The following RORA variants were observed in gnomAD, a reference collection of about 807,000 sequenced individuals.
RORA encodes the protein nuclear receptor ROR-alpha.
In RORA, 7 loss-of-function variants were observed where a neutral mutation model predicts 69.5. The ratio of observed to expected loss-of-function variants is 0.10; its 90% CI spans 0.06 to 0.19. The LOEUF (loss-of-function observed/expected upper bound fraction) is 0.19. RORA is among the 10% of genes least tolerant of loss of function. The probability of loss-of-function intolerance (pLI) is 1.00; values close to 1 mark genes in which losing one functional copy is unlikely to be tolerated. For synonymous variants in RORA, 261 were observed against 240.8 expected, an observed-to-expected ratio of 1.08 and a Z score of -0.78; for missense variants, 457 against 663.0, an observed-to-expected ratio of 0.69 and a Z score of 3.41.
intron 1 of RORA, among the ~76,000 whole-genome samples, chr15:60,916,949 G>C (rs1168809228): frequency 6.6e-6 from 1 of 152,214 alleles, no homozygotes. Flanking sequence ...ATTTGGGCCA[G>C]TTCTACACTG....
chr15:60,944,155 T>C (rs369946782), intron 1 of RORA, among the ~76,000 whole-genome samples: 63 of 152,130 alleles, frequency 4.1e-4, no homozygotes, highest in African/African-American at 1.4e-3. Context: ...GCACTGAAGA[T>C]GAAAAGCACC....
intron 1 of RORA, among the ~76,000 whole-genome samples, chr15:61,118,565 G>C (rs1247962577): frequency 6.6e-6 from 1 of 152,146 alleles, no homozygotes; most frequent in Non-Finnish European, 1.5e-5. Context: ...TCACAGATCA[G>C]GTCATTTAGG....
At chr15:60,627,493 A>T (rs200326130) in intron 2 of RORA, 149 of 1,546,516 alleles carry the variant, frequency 9.6e-5, no homozygotes, top group Non-Finnish European at 1.1e-4. Flanking sequence ...AATGATGGGG[A>T]GGAGTATGGG....
chr15:61,165,366 C>A (rs1198230330), intron 1 of RORA, among the ~76,000 whole-genome samples: 1 of 152,178 alleles, frequency 6.6e-6, no homozygotes, highest in Non-Finnish European at 1.5e-5. Context: ...ATCCAGCTCC[C>A]CTCTTTATTT....
chr15:61,180,932 C>G (rs2140904014), intron 1 of RORA, among the ~76,000 whole-genome samples: 1 of 152,176 alleles, frequency 6.6e-6, no homozygotes, highest in South Asian at 2.1e-4. Flanking sequence ...GGCGAAACCT[C>G]TTCTCTACTA....
At chr15:61,037,529 G>C (rs756421157) in intron 1 of RORA, among the ~76,000 whole-genome samples, 1 of 152,144 alleles carries the variant, frequency 6.6e-6, no homozygotes, top group African/African-American at 2.4e-5. Flanking sequence ...CAAAGCAACA[G>C]AACCAGCAAG....
At chr15:60,653,904 T>G (rs530326840) in intron 2 of RORA, among the ~76,000 whole-genome samples, 1 of 152,284 alleles carries the variant, frequency 6.6e-6, no homozygotes, top group South Asian at 2.1e-4. Context: ...GGTATCATGT[T>G]TTTCATCTTT....
At chr15:60,782,388 A>G (rs2072276672) in intron 1 of RORA, among the ~76,000 whole-genome samples, 1 of 152,228 alleles carries the variant, frequency 6.6e-6, no homozygotes, top group South Asian at 2.1e-4. Flanking sequence ...ACAACTGGAA[A>G]GATGGAAAGA....
chr15:61,031,494 C>G (rs1343693186), intron 1 of RORA, among the ~76,000 whole-genome samples: 4 of 152,112 alleles, frequency 2.6e-5, no homozygotes, highest in Non-Finnish European at 5.9e-5. Context: ...GATATTGTTG[C>G]TGAAGTTTTG....
chr15:60,536,036 C>T (rs1219556388), intron 2 of RORA, among the ~76,000 whole-genome samples: 1 of 152,138 alleles, frequency 6.6e-6, no homozygotes, highest in Non-Finnish European at 1.5e-5. Flanking sequence ...TAGTTTATAA[C>T]TAAAAATAAC....
intron 2 of RORA, among the ~76,000 whole-genome samples, chr15:60,657,008 G>A (rs1053315609): frequency 2.6e-5 from 4 of 152,176 alleles, no homozygotes; most frequent in South Asian, 4.1e-4. Context: ...TGAAGAGTGG[G>A]ATTTGTGAGA....
chr15:60,806,450 C>T (rs1263387540), intron 1 of RORA, among the ~76,000 whole-genome samples: 1 of 152,234 alleles, frequency 6.6e-6, no homozygotes, highest in Non-Finnish European at 1.5e-5. Context: ...CGGAATGCCA[C>T]TCTTTTAATA....
At chr15:60,499,738 AT>A (rs1383784534) in intron 10 of RORA, among the ~76,000 whole-genome samples, 153 bp downstream of exon 10, 2 of 152,142 alleles carry the variant, frequency 1.3e-5, no homozygotes, top group Non-Finnish European at 2.9e-5. Flanking sequence ...GCTCAACAGA[AT>A]TTTTTTGAAA....
At chr15:61,081,545 C>A (rs1012101089) in intron 1 of RORA, among the ~76,000 whole-genome samples, 3 of 152,188 alleles carry the variant, frequency 2.0e-5, no homozygotes, top group Non-Finnish European at 4.4e-5. Context: ...TGGTGGCTCA[C>A]ACCTGTAATC....
chr15:60,667,584 C>A (rs904070859), intron 2 of RORA, among the ~76,000 whole-genome samples: 3 of 150,758 alleles, frequency 2.0e-5, no homozygotes, highest in African/African-American at 7.5e-5. Flanking sequence ...TTTATACAGG[C>A]CATTGGTAGC....
chr15:61,195,877 C>T (rs1330878249), intron 1 of RORA: 2 of 152,198 alleles, frequency 1.3e-5, no homozygotes, highest in African/African-American at 2.4e-5. Context: ...CTCCTGAGGC[C>T]ACATCCCACG....
chr15:61,047,414 A>C (rs1897084509), intron 1 of RORA, among the ~76,000 whole-genome samples: 1 of 152,212 alleles, frequency 6.6e-6, no homozygotes, highest in Non-Finnish European at 1.5e-5. Context: ...AAGCAACAGG[A>C]CTTGGGTTTT....
At chr15:60,686,715 T>C (rs992880831) in intron 1 of RORA, 10 of 152,186 alleles carry the variant, frequency 6.6e-5, no homozygotes, top group African/African-American at 1.7e-4. Context: ...TCTTTGTCAC[T>C]CATATGGGCA....
At chr15:60,955,251 G>C (rs1454772882) in intron 1 of RORA, among the ~76,000 whole-genome samples, 1 of 152,186 alleles carries the variant, frequency 6.6e-6, no homozygotes, top group Non-Finnish European at 1.5e-5. Flanking sequence ...GCAGTGAGCC[G>C]AGATTGTGCC....
Sources: gnomAD v4.1 joint callset for allele counts (sites outside exome capture counted in the v4.1 genomes callset) on GRCh38, gnomAD v4.1.1 for gene constraint, MANE v1.5 for transcripts, NCBI Gene and HGNC (gene_info 2026-07-23, HGNC 2026-07-21) for gene names.